The following TIAM1 variants were observed in gnomAD, a reference collection of about 807,000 sequenced individuals.
TIAM1 encodes rho guanine nucleotide exchange factor TIAM1.
Under a neutral mutation model 163.5 loss-of-function variants are expected in TIAM1, and 65 were observed. The ratio of observed to expected loss-of-function variants is 0.40; its 90% confidence interval spans 0.33 to 0.49. The LOEUF (loss-of-function observed/expected upper bound fraction) is 0.49, where lower values mean the gene tolerates loss of function less well. Ranked by LOEUF, TIAM1 falls within the 20% of genes least tolerant of loss-of-function variation. The probability of loss-of-function intolerance (pLI) is 0.77; values close to 1 mark genes in which losing one functional copy is unlikely to be tolerated. For synonymous variants in TIAM1, 833 were observed against 810.1 expected (o/e 1.03, Z -0.48); for missense variants, 1,789 against 2,044.7 (o/e 0.87, Z 2.41).
intron 2 of TIAM1, among the ~76,000 whole-genome samples, chr21:31,455,398 C>T (rs951315080): frequency 2.7e-5 from 4 of 148,232 alleles, no homozygotes; most frequent in African/African-American, 9.9e-5. Flanking sequence ...ATATGAGTAT[C>T]AAAATAATTT....
chr21:31,484,554 G>A (rs2046212380), intron 1 of TIAM1, among the ~76,000 whole-genome samples: 1 of 152,214 alleles, frequency 6.6e-6, no homozygotes, highest in Non-Finnish European at 1.5e-5. Context: ...GAGGAAGGCT[G>A]AAAGAGCAAA....
rs1256812626 is a variant in TIAM1 at position 31,388,246 on chromosome 21, CACACACACACACA to C, written c.-368-48837_-368-48825del. 5.9e-3 allele frequency among the ~76,000 whole-genome samples: 525 copies of C among 88,416 alleles called. 5 individuals are homozygous for C. Among genetic ancestry groups the C allele is most frequent in the African/African-American group, 0.012 (284 of 24,242 alleles). The allele number at this position is 88,416 out of a possible 152,430, so 58.0% of individuals were successfully genotyped here. On this transcript the variant is annotated intron_variant, in intron 2 of 28. Coordinates refer to the TIAM1 transcript ENST00000286827. ...ACACACACACACACACACACACACA[CACACACACACACA>C]ACCTCTTACGTGAATACGGTGAATC...
chr21:31,268,888 G>T (rs1448632144), intron 3 of TIAM1, among the ~76,000 whole-genome samples: 1 of 152,060 alleles, frequency 6.6e-6, no homozygotes, highest in Non-Finnish European at 1.5e-5. Flanking sequence ...TACATATTAA[G>T]ATACCTGGAT....
chr21:31,519,007 C>T (rs1179500288), intron 1 of TIAM1, among the ~76,000 whole-genome samples: 1 of 151,988 alleles, frequency 6.6e-6, no homozygotes, highest in Non-Finnish European at 1.5e-5. Context: ...CCAGCCTGGC[C>T]AACATGGTGA....
At chr21:31,528,929 C>CTT (rs1174827518) in intron 1 of TIAM1, among the ~76,000 whole-genome samples, 4 of 136,648 alleles carry the variant, frequency 2.9e-5, no homozygotes, top group Non-Finnish European at 3.1e-5. Flanking sequence ...TCTTTTTATT[C>CTT]TTTTTTTTTT....
intron 19 of TIAM1, 45 bp downstream of exon 19, chr21:31,152,591 G>A (rs1364838947): frequency 1.2e-6 from 2 of 1,606,028 alleles, no homozygotes; most frequent in Admixed American, 1.7e-5. Context: ...TTCAACTTGA[G>A]CCACACTATA....
intron 1 of TIAM1, among the ~76,000 whole-genome samples, chr21:31,491,941 CA>C (rs35396676): frequency 6.6e-6 from 1 of 152,126 alleles, no homozygotes. Context: ...AAGATAACAC[CA>C]TCTGACTGGA....
intron 6 of TIAM1, among the ~76,000 whole-genome samples, chr21:31,244,254 A>C (rs1249248247): frequency 6.6e-6 from 1 of 152,248 alleles, no homozygotes; most frequent in Non-Finnish European, 1.5e-5. Context: ...ACTTGGTGAA[A>C]TAAATGATTT....
At chr21:31,369,431 G>A (rs936582960) in intron 2 of TIAM1, among the ~76,000 whole-genome samples, 3 of 145,418 alleles carry the variant, frequency 2.1e-5, no homozygotes, top group Admixed American at 2.1e-4. Flanking sequence ...GGAGGATAAG[G>A]AAAGGTTGCT....
At chr21:31,189,103 G>A (rs1325577018) in intron 13 of TIAM1, among the ~76,000 whole-genome samples, 1 of 121,846 alleles carries the variant, frequency 8.2e-6, no homozygotes, top group Non-Finnish European at 1.6e-5. Flanking sequence ...TGTCTAGGCT[G>A]GAGTGGAGTG....
intron 2 of TIAM1, among the ~76,000 whole-genome samples, chr21:31,380,636 T>C (rs1308447296): frequency 6.6e-6 from 1 of 152,016 alleles, no homozygotes; most frequent in Non-Finnish European, 1.5e-5. Flanking sequence ...TCGAAAGGGG[T>C]ATGAATTATA....
At chr21:31,403,338 G>A (rs914455575) in intron 2 of TIAM1, among the ~76,000 whole-genome samples, 7 of 151,964 alleles carry the variant, frequency 4.6e-5, no homozygotes, top group African/African-American at 1.7e-4. Context: ...TAGTAGAGAC[G>A]GGGTTTCACC....
chr21:31,503,608 G>GAGGA (rs1569393694), intron 1 of TIAM1, among the ~76,000 whole-genome samples: 4 of 105,084 alleles, frequency 3.8e-5, no homozygotes, highest in African/African-American at 7.5e-5. Flanking sequence ...GGGGAGGGGA[G>GAGGA]GGGAGGGACC....
chr21:31,401,721 G>A (rs1028013010), intron 2 of TIAM1, among the ~76,000 whole-genome samples: 4 of 151,808 alleles, frequency 2.6e-5, no homozygotes, highest in South Asian at 4.2e-4. Context: ...CCAGGAGTTC[G>A]AGACCAGCGA....
intron 2 of TIAM1, among the ~76,000 whole-genome samples, chr21:31,318,552 G>C (rs766018688): frequency 7.9e-5 from 12 of 152,150 alleles, no homozygotes; most frequent in Admixed American, 1.3e-4. Flanking sequence ...TCTGTATATA[G>C]AGCATCCAAG....
intron 4 of TIAM1, among the ~76,000 whole-genome samples, chr21:31,265,455 G>C (rs531168584): frequency 3.3e-5 from 5 of 151,592 alleles, no homozygotes; most frequent in African/African-American, 1.2e-4. Flanking sequence ...CCAGAGACAG[G>C]GCTGGCCAGC....
intron 2 of TIAM1, among the ~76,000 whole-genome samples, chr21:31,458,956 G>C (rs932670511): frequency 6.6e-6 from 1 of 152,212 alleles, no homozygotes; most frequent in Non-Finnish European, 1.5e-5. Flanking sequence ...CAGAAGAAAG[G>C]CCTCTGAAGT....
upstream of TIAM1, among the ~76,000 whole-genome samples, chr21:31,345,328 T>A (rs1037207221): frequency 1.3e-5 from 2 of 151,988 alleles, no homozygotes; most frequent in African/African-American, 4.8e-5. Context: ...CCAACATTCA[T>A]TAAAGAAGTC....
chr21:31,183,413 G>C (rs1601450290), intron 14 of TIAM1, among the ~76,000 whole-genome samples: 1 of 152,148 alleles, frequency 6.6e-6, no homozygotes, highest in East Asian at 1.9e-4. Context: ...GAAATGGAGA[G>C]GGTGGGAAGA....
Sources: allele counts gnomAD v4.1 joint callset (sites outside exome capture counted in the v4.1 genomes callset), GRCh38; gene constraint gnomAD v4.1.1; transcripts MANE v1.5; gene names NCBI Gene and HGNC (gene_info 2026-07-23, HGNC 2026-07-21).